The following PLCH1 variants were observed in gnomAD, a reference collection of about 807,000 sequenced individuals.
PLCH1 encodes the protein 1-phosphatidylinositol 4,5-bisphosphate phosphodiesterase eta-1.
PLCH1 carries 60 observed loss-of-function variants against 126.7 expected under a neutral mutation model. The observed-to-expected ratio is 0.47, with a 90% CI of 0.38 to 0.59. PLCH1 has a LOEUF of 0.59. Ranked by LOEUF, PLCH1 falls within the 20% of genes least tolerant of loss-of-function variation. The probability of loss-of-function intolerance (pLI) is 0.00; values close to 1 mark genes in which losing one functional copy is unlikely to be tolerated. For synonymous variants in PLCH1, 719 were observed against 734.9 expected (o/e 0.98, Z 0.35); for missense variants, 1,723 against 2,040.0 (o/e 0.84, Z 2.99).
intron 1 of PLCH1, among the ~76,000 whole-genome samples, chr3:155,733,349 A>G (rs1748911539): frequency 6.6e-6 from 1 of 152,220 alleles, no homozygotes; most frequent in African/African-American, 2.4e-5. Context: ...TCAAAACAGC[A>G]TGGTCCCAGC....
At chr3:155,631,911 T>TC in intron 2 of PLCH1, among the ~76,000 whole-genome samples, 1 of 152,190 alleles carries the variant, frequency 6.6e-6, no homozygotes. Context: ...CCTTTTTTTT[T>TC]TTTTTTTTGT....
intron 2 of PLCH1, among the ~76,000 whole-genome samples, chr3:155,656,332 G>GAT (rs1741364547): frequency 6.6e-6 from 1 of 152,054 alleles, no homozygotes; most frequent in African/African-American, 2.4e-5. Context: ...TCATGAAGCA[G>GAT]ATATAATACT....
intron 5 of PLCH1, 83 bp downstream of exon 5, chr3:155,585,982 A>G: frequency 8.0e-7 from 1 of 1,254,048 alleles, no homozygotes; most frequent in Non-Finnish European, 1.1e-6. Context: ...TTCCAACAAA[A>G]CAAAATAGCT....
Position 155,453,147 on chromosome 3 carries a change from T to A in PLCH1, c.2938+32209A>T, listed in dbSNP as rs756249931. 2.0e-5 allele frequency among the ~76,000 whole-genome samples: 3 copies of A among 152,144 alleles called. 1 individual carries two copies. In the South Asian group the frequency reaches 6.2e-4, roughly 32 times the overall value. On this transcript the variant is annotated intron_variant, in intron 21 of 21. Coordinates refer to the PLCH1 transcript ENST00000494598. ...TGTATGGAATTTTGCCAACAAGGCA[T>A]AATCTGAATTAAATCTTAACACTCT...
chr3:155,701,657 A>C (rs41455745), intron 2 of PLCH1, among the ~76,000 whole-genome samples: 2,752 of 152,328 alleles, frequency 0.018, 88 homozygotes, highest in African/African-American at 0.063. Context: ...AAGAAGCCCA[A>C]GAGAAATCTG....
At chr3:155,706,817 C>T (rs1287365037) in intron 1 of PLCH1, among the ~76,000 whole-genome samples, 1 of 152,024 alleles carries the variant, frequency 6.6e-6, no homozygotes, top group Non-Finnish European at 1.5e-5. Flanking sequence ...TCTCAAGATG[C>T]TTGCATTGGA....
At chr3:155,473,633 A>C (rs1188559496) in intron 21 of PLCH1, among the ~76,000 whole-genome samples, 1 of 152,010 alleles carries the variant, frequency 6.6e-6, no homozygotes, top group Non-Finnish European at 1.5e-5. Context: ...TCCTAAGCCA[A>C]AAGAACAAAG....
chr3:155,539,916 G>A (rs897311370), intron 10 of PLCH1, among the ~76,000 whole-genome samples: 1 of 151,722 alleles, frequency 6.6e-6, no homozygotes, highest in African/African-American at 2.4e-5. Context: ...ACTAAAAGAG[G>A]GCCCGCATAC....
intron 2 of PLCH1, among the ~76,000 whole-genome samples, chr3:155,633,007 G>A (rs970335423): frequency 1.3e-5 from 2 of 151,996 alleles, no homozygotes; most frequent in Non-Finnish European, 2.9e-5. Context: ...TGACCATAAC[G>A]TATTTCCAGA....
intron 2 of PLCH1, among the ~76,000 whole-genome samples, chr3:155,674,774 T>A (rs929084418): frequency 1.3e-5 from 2 of 152,174 alleles, no homozygotes; most frequent in African/African-American, 2.4e-5. Context: ...TATATCAAAT[T>A]TCCACTATGT....
intron 1 of PLCH1, chr3:155,743,730 AT>A (rs150039921): frequency 0.02 from 6,990 of 341,776 alleles, 106 homozygotes; most frequent in Middle Eastern, 0.035. Context: ...TTTGCAGAGC[AT>A]CTCCTTGTCA....
Position 155,488,119 on chromosome 3 carries a change from A to G in PLCH1, c.2540-12T>C. 1 of 1,577,914 alleles carries G rather than the reference A, an allele frequency of 6.3e-7. No homozygotes were observed. The highest frequency in any genetic ancestry group is 2.2e-5 in the East Asian group (1 of 44,700). ...GACATGCCGGTAGCCTGATAAAAGG[A>G]AAGAGAGTCGTTTCTTTTTAGTTGA... On this transcript the variant is annotated splice_polypyrimidine_tract_variant and intron_variant, in intron 20 of 22. Coordinates refer to ENST00000460012, the MANE Select transcript of PLCH1 (RefSeq NM_014996.4).
At chr3:155,506,273 T>C (rs1214456358) in intron 12 of PLCH1, among the ~76,000 whole-genome samples, 1 of 151,946 alleles carries the variant, frequency 6.6e-6, no homozygotes, top group Non-Finnish European at 1.5e-5. Context: ...TAAAACAGGA[T>C]TCTGTCTAGC....
intron 10 of PLCH1, among the ~76,000 whole-genome samples, chr3:155,536,953 C>A (rs1008836324): frequency 1.3e-5 from 2 of 151,868 alleles, no homozygotes; most frequent in Non-Finnish European, 2.9e-5. Context: ...TAAAGAAAAA[C>A]CTATAAGATT....
intron 2 of PLCH1, among the ~76,000 whole-genome samples, chr3:155,696,410 A>C (rs958838897): frequency 3.9e-5 from 6 of 152,166 alleles, no homozygotes; most frequent in African/African-American, 1.4e-4. Context: ...AAAAATCTAG[A>C]TCTTTTGCAT....
At chr3:155,536,490 C>A (rs1374304049) in intron 10 of PLCH1, among the ~76,000 whole-genome samples, 1 of 152,082 alleles carries the variant, frequency 6.6e-6, no homozygotes, top group East Asian at 1.9e-4. Context: ...ACAATCACAA[C>A]TTCTAAAAAT....
chr3:155,625,814 A>G (rs900964234), intron 2 of PLCH1, among the ~76,000 whole-genome samples: 3 of 152,240 alleles, frequency 2.0e-5, no homozygotes, highest in Non-Finnish European at 4.4e-5. Context: ...TGTGGAAGAC[A>G]GTGTGGTGAT....
In PLCH1 at chr3:155,568,264, C is replaced by G. The variant is rs1277981421; in HGVS notation, c.832G>C (p.Glu278Gln). The change falls in exon 7 of 23, where the codon GAA becomes CAA. Residue 278 changes from glutamate to glutamine, a missense_variant. Physicochemically the swap from Glu to Gln is conservative, Grantham distance 29. Coordinates refer to ENST00000460012, the MANE Select transcript of PLCH1 (RefSeq NM_014996.4). ...DIIKKFEVSE[E>Q]NKVKNVLGIE... is the part of the protein sequence containing the mutation. ...CCAAGAACATTTTTCACCTTATTTT[C>G]TTCTGAAACTTCAAACTTCTTTATG... 23 of 1,525,026 alleles carry G rather than the reference C, an allele frequency of 1.5e-5. No individual in the cohort carries two copies. The highest frequency in any genetic ancestry group is 1.7e-4 in the Middle Eastern group (1 of 5,902). The allele number at this position is 1,525,026 out of a possible 1,614,324, so 94.5% of individuals were successfully genotyped here. A position where few individuals can be genotyped will look rare whatever the true frequency, so the allele number is the denominator to read the frequency against.
chr3:155,479,430 T>C (rs755376207), downstream of PLCH1, among the ~76,000 whole-genome samples: 2 of 151,980 alleles, frequency 1.3e-5, no homozygotes, highest in Non-Finnish European at 2.9e-5. Context: ...AAGCTCAGAG[T>C]TGGGGACCAA....
Sources: allele counts gnomAD v4.1 joint callset (sites outside exome capture counted in the v4.1 genomes callset), GRCh38; gene constraint gnomAD v4.1.1; transcripts MANE v1.5; gene names NCBI Gene and HGNC (gene_info 2026-07-23, HGNC 2026-07-21).